PPP3CB: variants seen among roughly 807,000 people sequenced by gnomAD.
PPP3CB encodes the protein protein phosphatase 3 catalytic subunit beta, also known as serine/threonine-protein phosphatase 2B catalytic subunit beta isoform.
A neutral mutation model predicts 66.4 loss-of-function variants in PPP3CB; 8 were observed. The ratio of observed to expected loss-of-function variants is 0.12; its 90% CI spans 0.07 to 0.22. The LOEUF (loss-of-function observed/expected upper bound fraction) is 0.22, where lower values mean the gene tolerates loss of function less well. Among genes scored for constraint, PPP3CB ranks in the 10% least tolerant of loss-of-function variants. PPP3CB has a pLI of 1.00. For missense variants in PPP3CB, 319 were observed against 642.5 expected (o/e 0.50, Z 5.44); for synonymous variants, 208 against 221.2 (o/e 0.94, Z 0.53).
intron 8 of PPP3CB, among the ~76,000 whole-genome samples, chr10:73,469,427 G>T (rs974026357): frequency 6.6e-6 from 1 of 152,114 alleles, no homozygotes; most frequent in African/African-American, 2.4e-5. Context: ...TATGATCCCA[G>T]CTATTAGGGA....
intron 12 of PPP3CB, among the ~76,000 whole-genome samples, chr10:73,441,927 G>C (rs1392027767): frequency 6.6e-6 from 1 of 152,070 alleles, no homozygotes; most frequent in East Asian, 1.9e-4. Flanking sequence ...AAATAGGCAC[G>C]AGGTCTTAGA....
chr10:73,467,681 G>GC lies in PPP3CB; in HGVS notation c.983-4dup, dbSNP rs1235608844. ...ATTTTCATACTTTAATACAGCAGCT[G>GC]CAAGATAAGTTGAACATCAATAACT... On this transcript the variant is annotated splice_polypyrimidine_tract_variant and splice_region_variant and intron_variant, in intron 8 of 13. Transcript: ENST00000360663. The GC allele has an allele frequency of 6.5e-7, 1 of 1,541,672 alleles. No homozygotes were observed. Among genetic ancestry groups the GC allele is most frequent in the Admixed American group, 2.0e-5 (1 of 49,970 alleles).
intron 1 of PPP3CB, among the ~76,000 whole-genome samples, chr10:73,485,430 G>A (rs952339700): frequency 1.8e-4 from 27 of 152,234 alleles, no homozygotes; most frequent in Admixed American, 4.6e-4. Context: ...TCTAAGCAAG[G>A]ACTGCCCTCT....
Position 73,495,836 on chromosome 10 carries a change from C to CGGCGGGGGCGGG in PPP3CB, c.42_53dup (p.Pro18_Pro21dup). 1 of 669,608 alleles carries CGGCGGGGGCGGG rather than the reference C, an allele frequency of 1.5e-6. No individual in the cohort carries two copies. The highest frequency in any genetic ancestry group is 2.2e-6 in the Non-Finnish European group (1 of 444,646). 41.5% of individuals were successfully genotyped at this position (669,608 alleles called of 1,614,324 possible). A position where few individuals can be genotyped will look rare whatever the true frequency, so the allele number is the denominator to read the frequency against. On this transcript the variant is annotated inframe_insertion, in exon 1 of 14. Transcript: ENST00000360663. ...CGACGCGGTCAGCCCCGGGAGGGGGCGGCGGGGGCGGGGGTGGGGGCGGTG... is the reference window on the plus strand; with the variant it reads ...CGACGCGGTCAGCCCCGGGAGGGGGCGGCGGGGGCGGGGGCGGGGGCGGGGGTGGGGGCGGTG...
At chr10:73,460,173 T>C (rs1394296519) in intron 9 of PPP3CB, among the ~76,000 whole-genome samples, 6 of 148,916 alleles carry the variant, frequency 4.0e-5, no homozygotes, top group Non-Finnish European at 8.8e-5. Context: ...GAAAGCTACA[T>C]GGAGCCATTT....
chr10:73,467,826 G>T, intron 8 of PPP3CB, 148 bp from the exon 9 acceptor site: 1 of 629,446 alleles, frequency 1.6e-6, no homozygotes, highest in Non-Finnish European at 2.5e-6. Context: ...AGGGAGGAAG[G>T]AACTAATTTT....
intron 1 of PPP3CB, among the ~76,000 whole-genome samples, chr10:73,487,564 CAAA>C (rs746889105): frequency 4.6e-5 from 3 of 65,206 alleles, no homozygotes; most frequent in African/African-American, 1.2e-4. Context: ...AAACCAAAAC[CAAA>C]AAAAAAAAAA....
At chr10:73,474,525 C>T (rs919341764) in intron 4 of PPP3CB, among the ~76,000 whole-genome samples, 2 of 151,984 alleles carry the variant, frequency 1.3e-5, no homozygotes, top group African/African-American at 2.4e-5. Context: ...CTCCGATTCC[C>T]AGGCTCAAGC....
intron 9 of PPP3CB, among the ~76,000 whole-genome samples, chr10:73,455,163 G>A (rs753238523): frequency 2.6e-5 from 4 of 152,066 alleles, no homozygotes; most frequent in African/African-American, 2.4e-5. Context: ...GATTACAGGC[G>A]TAGGCCACTG....
At chr10:73,492,562 T>A (rs553565457) in intron 1 of PPP3CB, among the ~76,000 whole-genome samples, 1 of 152,358 alleles carries the variant, frequency 6.6e-6, no homozygotes, top group East Asian at 1.9e-4. Flanking sequence ...TTAGATATTT[T>A]TCCTAATTTT....
At chr10:73,445,383 C>A (rs76207490) in intron 11 of PPP3CB, among the ~76,000 whole-genome samples, 1 of 152,206 alleles carries the variant, frequency 6.6e-6, no homozygotes, top group Non-Finnish European at 1.5e-5. Context: ...CAATAACAAT[C>A]ACCAGAGTCA....
At chr10:73,475,068 C>T (rs3763679) in intron 3 of PPP3CB, 38 bp from the exon 4 acceptor site, 150,108 of 1,596,056 alleles carry the variant, frequency 0.094, 11,524 homozygotes, top group African/African-American at 0.32. Flanking sequence ...TTATCTTGTA[C>T]TTTTGTTTAA....
At chr10:73,449,409 T>C (rs773995721) in intron 10 of PPP3CB, among the ~76,000 whole-genome samples, 7 of 152,188 alleles carry the variant, frequency 4.6e-5, no homozygotes, top group Non-Finnish European at 1.0e-4. Context: ...TTGTTTCAAA[T>C]CAAGTAACAG....
chr10:73,484,789 C>T lies in PPP3CB; in HGVS notation c.86-5272G>A, dbSNP rs569622339. ...AAAATCGGCTGGGCGTGGTGGCTCA[C>T]GCCTGTAATCCCAACACTTTGGGAG... is the stretch of plus-strand genomic sequence containing the variant. On this transcript the variant is annotated intron_variant, in intron 1 of 13. Coordinates refer to ENST00000360663, the MANE Select transcript of PPP3CB (RefSeq NM_021132.4). 2.6e-3 allele frequency among the ~76,000 whole-genome samples: 392 copies of T among 152,158 alleles called. 2 individuals are homozygous for T. The highest frequency in any genetic ancestry group is 6.8e-3 in the Middle Eastern group (2 of 294).
chr10:73,447,414 T>G (rs1442976091), intron 10 of PPP3CB, among the ~76,000 whole-genome samples: 1 of 152,164 alleles, frequency 6.6e-6, no homozygotes, highest in Non-Finnish European at 1.5e-5. Flanking sequence ...AAGAACAACA[T>G]CAATCTCAGT....
At chr10:73,456,129 T>C (rs555999353) in intron 9 of PPP3CB, among the ~76,000 whole-genome samples, 1 of 152,228 alleles carries the variant, frequency 6.6e-6, no homozygotes, top group Non-Finnish European at 1.5e-5. Context: ...AATGAACATA[T>C]CCAAAACAAA....
intron 3 of PPP3CB, chr10:73,477,361 G>A: frequency 1.4e-5 from 6 of 431,882 alleles, no homozygotes; most frequent in Middle Eastern, 3.9e-4. Context: ...CATTTGTAAA[G>A]AAAAAAACTG....
chr10:73,468,217 T>C (rs2056648787), intron 8 of PPP3CB, among the ~76,000 whole-genome samples: 1 of 152,102 alleles, frequency 6.6e-6, no homozygotes, highest in African/African-American at 2.4e-5. Flanking sequence ...TCAGACAAAA[T>C]TACTACAAAG....
intron 12 of PPP3CB, 42 bp from the exon 13 acceptor site, chr10:73,439,943 G>C: frequency 6.3e-7 from 1 of 1,577,028 alleles, no homozygotes; most frequent in Non-Finnish European, 8.7e-7. Context: ...GAATGAGAGA[G>C]ATGAGAAGGG....
Sources: allele counts gnomAD v4.1 joint callset (sites outside exome capture counted in the v4.1 genomes callset), GRCh38; gene constraint gnomAD v4.1.1; transcripts MANE v1.5; gene names NCBI Gene and HGNC (gene_info 2026-07-23, HGNC 2026-07-21).